RPS6KA2: variants seen among roughly 807,000 people sequenced by gnomAD.
RPS6KA2 encodes ribosomal protein S6 kinase alpha-2.
A neutral mutation model predicts 91.8 loss-of-function variants in RPS6KA2; 42 were observed. The observed-to-expected ratio is 0.46, with a 90% CI of 0.36 to 0.59. The LOEUF (loss-of-function observed/expected upper bound fraction) is 0.59. RPS6KA2 is among the 20% of genes least tolerant of loss of function. RPS6KA2 has a pLI of 0.00. For synonymous variants in RPS6KA2, 414 were observed against 393.6 expected (o/e 1.05, Z -0.61); for missense variants, 798 against 978.5 (o/e 0.82, Z 2.46).
intron 2 of RPS6KA2, among the ~76,000 whole-genome samples, chr6:166,715,909 A>C (rs1789996475): frequency 6.6e-6 from 1 of 151,998 alleles, no homozygotes; most frequent in Non-Finnish European, 1.5e-5. Context: ...ATGGAGACGC[A>C]TGCCTGTAAT....
chr6:166,498,628 G>T lies in RPS6KA2; in HGVS notation c.627C>A (p.Ala209=), dbSNP rs200171012. ...AGTACGCTCTCTTGTCGTGGTCAATGGCCTCCTTACTCAGGCCGAAATCTA... is the reference window on the plus strand; with the variant it reads ...AGTACGCTCTCTTGTCGTGGTCAATTGCCTCCTTACTCAGGCCGAAATCTA... ...KITDFGLSKE[A]IDHDKRAYSF... Residue 209 remains alanine (A), a synonymous_variant, in exon 8 of 21, where the codon GCC becomes GCA. Transcript: ENST00000265678. 1.2e-6 allele frequency: 2 copies of T among 1,613,438 alleles called. No individual in the cohort carries two copies.
At chr6:166,857,188 T>C (rs1437308102) in intron 2 of RPS6KA2, among the ~76,000 whole-genome samples, 1 of 152,226 alleles carries the variant, frequency 6.6e-6, no homozygotes, top group Non-Finnish European at 1.5e-5. Flanking sequence ...CAGACCATTT[T>C]CTAAAACCAG....
chr6:166,832,375 T>A (rs924094136), intron 2 of RPS6KA2, among the ~76,000 whole-genome samples: 1 of 152,192 alleles, frequency 6.6e-6, no homozygotes, highest in Non-Finnish European at 1.5e-5. Flanking sequence ...TAGCAGAGGC[T>A]GAGCTGGATT....
chr6:166,583,014 C>G (rs537990225), intron 1 of RPS6KA2, among the ~76,000 whole-genome samples: 9 of 152,166 alleles, frequency 5.9e-5, no homozygotes, highest in Non-Finnish European at 1.2e-4. Context: ...TTGACTTGGT[C>G]GTTGACTGCT....
chr6:166,449,344 C>T (rs1162727868), intron 13 of RPS6KA2, among the ~76,000 whole-genome samples: 1 of 151,762 alleles, frequency 6.6e-6, no homozygotes, highest in African/African-American at 2.4e-5. Flanking sequence ...CCTGCACTGT[C>T]ATGACAACGT....
intron 1 of RPS6KA2, among the ~76,000 whole-genome samples, chr6:166,592,313 C>A (rs999283290): frequency 6.6e-5 from 10 of 152,192 alleles, no homozygotes; most frequent in African/African-American, 1.9e-4. Flanking sequence ...AACTCACCTG[C>A]GGGGAAGAGG....
chr6:166,489,198 A>C (rs1781512323), intron 9 of RPS6KA2, among the ~76,000 whole-genome samples: 1 of 151,834 alleles, frequency 6.6e-6, no homozygotes, highest in South Asian at 2.1e-4. Flanking sequence ...ATAAATTTTT[A>C]TTAATAAACA....
chr6:166,508,079 CCCCACACACACACACG>C lies in RPS6KA2; in HGVS notation c.459+108_459+123del. ...TGCACACACTCACACATGCACACAC[CCCCACACACACACACG>C]CACTCTCGCACGTGCTCACGTCCTC... On this transcript the variant is annotated intron_variant, in intron 5 of 20. Coordinates refer to ENST00000265678, the MANE Select transcript of RPS6KA2 (RefSeq NM_021135.6). This position sits in a 1 kb window ranked among gnomAD's most constrained non-coding sequence, Gnocchi z 4.3. 1 of 638,472 alleles carries C rather than the reference CCCCACACACACACACG, an allele frequency of 1.6e-6. No homozygotes were observed. The allele number at this position is 638,472 out of a possible 1,614,324, so 39.6% of individuals were successfully genotyped here.
intron 1 of RPS6KA2, among the ~76,000 whole-genome samples, chr6:166,577,191 G>T (rs1246514378): frequency 6.6e-6 from 1 of 152,228 alleles, no homozygotes; most frequent in African/African-American, 2.4e-5. Context: ...CAGGGGCGGG[G>T]CCCTCATGGA....
chr6:166,719,259 T>A (rs1295801643), intron 2 of RPS6KA2, among the ~76,000 whole-genome samples: 1 of 152,244 alleles, frequency 6.6e-6, no homozygotes, highest in Non-Finnish European at 1.5e-5. Flanking sequence ...GTTAATTACA[T>A]TATTCATCTT....
rs1362629068 is a variant in RPS6KA2 at position 166,626,928 on chromosome 6, C to T, written c.92G>A (p.Arg31Gln). Reference protein sequence around the residue: ...KSRSKSSSLSRLEEEGVVKEI... With the variant: ...KSRSKSSSLSQLEEEGVVKEI... ...CGAGGGCGGCCGCATTACCTCGAGC[C>T]GGCTCAGGCTGGAGCTCTTGGAGCG... The change falls in exon 1 of 21, where the codon CGG becomes CAG. Residue 31 changes from arginine (R) to glutamine (Q), a missense_variant. Arg to Gln is a conservative substitution (Grantham distance 43). Coordinates refer to ENST00000265678, the MANE Select transcript of RPS6KA2 (RefSeq NM_021135.6). The surrounding 1 kb of genome is among the most constrained non-coding windows in gnomAD (Gnocchi z 4.1). 5 of 1,532,356 alleles carry T rather than the reference C, an allele frequency of 3.3e-6. No homozygotes were observed. The South Asian group carries it at 4.9e-5, about 15-fold the overall frequency. 94.9% of individuals were successfully genotyped at this position (1,532,356 alleles called of 1,614,324 possible).
chr6:166,845,503 A>G (rs143361067), intron 2 of RPS6KA2, among the ~76,000 whole-genome samples: 4,812 of 152,304 alleles, frequency 0.032, 275 homozygotes, highest in African/African-American at 0.11. Flanking sequence ...TCAAAGTTAT[A>G]TCAAGTACTC....
intron 6 of RPS6KA2, among the ~76,000 whole-genome samples, chr6:166,504,192 T>A (rs1490133746): frequency 6.6e-6 from 1 of 152,112 alleles, no homozygotes; most frequent in Non-Finnish European, 1.5e-5. Context: ...TGGGTCAGGG[T>A]CGTGGGCGTG....
At chr6:166,506,391 A>G (rs796489184) in intron 5 of RPS6KA2, among the ~76,000 whole-genome samples, 13 of 152,226 alleles carry the variant, frequency 8.5e-5, no homozygotes, top group African/African-American at 2.7e-4. Flanking sequence ...GCTGCTGGAC[A>G]AAACTGGACC....
chr6:166,814,554 G>A (rs1359621010), intron 2 of RPS6KA2, among the ~76,000 whole-genome samples: 5 of 152,168 alleles, frequency 3.3e-5, no homozygotes, highest in African/African-American at 1.2e-4. Flanking sequence ...CCTCTCAATC[G>A]CTCACATTAC....
At chr6:166,743,187 G>A (rs1973900) in intron 2 of RPS6KA2, among the ~76,000 whole-genome samples, 12,515 of 125,732 alleles carry the variant, frequency 0.1, 517 homozygotes, top group African/African-American at 0.15. Context: ...CATTAAACTT[G>A]CAAACTGTCA....
At chr6:166,796,377 T>G (rs1188701220) in intron 2 of RPS6KA2, among the ~76,000 whole-genome samples, 1 of 151,818 alleles carries the variant, frequency 6.6e-6, no homozygotes, top group East Asian at 1.9e-4. Context: ...GATCACGAGG[T>G]CAAGAGATAG....
chr6:166,515,376 A>T (rs1233228171), intron 3 of RPS6KA2, among the ~76,000 whole-genome samples: 1 of 152,228 alleles, frequency 6.6e-6, no homozygotes, highest in Non-Finnish European at 1.5e-5. Flanking sequence ...GAGTGAAGTC[A>T]GCATCTCTGT....
chr6:166,413,027 A>G, intron 20 of RPS6KA2, 140 bp from the exon 21 acceptor site: 1 of 927,830 alleles, frequency 1.1e-6, no homozygotes, highest in Non-Finnish European at 1.5e-6. Flanking sequence ...TGGAGCATGG[A>G]GTGCTGTTAG....
Sources: allele counts gnomAD v4.1 joint callset (sites outside exome capture counted in the v4.1 genomes callset), GRCh38; gene constraint gnomAD v4.1.1; non-coding constraint Gnocchi (gnomAD v3.1); transcripts MANE v1.5; gene names NCBI Gene and HGNC (gene_info 2026-07-23, HGNC 2026-07-21).